Variants in UVRAG observed in about 807,000 individuals in gnomAD.
UVRAG encodes the protein UV radiation resistance-associated gene protein.
A neutral mutation model predicts 78.0 loss-of-function variants in UVRAG; 19 were observed. The observed-to-expected ratio is 0.24, with a 90% CI of 0.17 to 0.36. The LOEUF (loss-of-function observed/expected upper bound fraction) is 0.36. UVRAG is among the 10% of genes least tolerant of loss of function. The pLI, the probability that UVRAG is intolerant of heterozygous loss-of-function variation, is 1.00. For missense variants in UVRAG, 740 were observed against 853.8 expected, an observed-to-expected ratio of 0.87 and a Z score of 1.66; for synonymous variants, 323 against 324.6, an observed-to-expected ratio of 1.00 and a Z score of 0.05.
At chr11:76,127,089 A>G (rs1702366458) in intron 14 of UVRAG, among the ~76,000 whole-genome samples, 1 of 152,188 alleles carries the variant, frequency 6.6e-6, no homozygotes, top group Non-Finnish European at 1.5e-5. Flanking sequence ...TGTTCTGGTT[A>G]TTGGTTAACT....
At chr11:76,024,698 C>G (rs1378794902) in intron 12 of UVRAG, among the ~76,000 whole-genome samples, 1 of 152,042 alleles carries the variant, frequency 6.6e-6, no homozygotes, top group African/African-American at 2.4e-5. Context: ...TACTTCAAAT[C>G]CTTTTTGGAA....
At chr11:75,923,006 A>C (rs1591022387) in intron 6 of UVRAG, among the ~76,000 whole-genome samples, 1 of 135,798 alleles carries the variant, frequency 7.4e-6, no homozygotes, top group African/African-American at 3.3e-5. Flanking sequence ...ATTTTTTCAT[A>C]TATATATATA....
At chr11:76,057,744 G>C (rs1400528619) in intron 12 of UVRAG, among the ~76,000 whole-genome samples, 1 of 151,766 alleles carries the variant, frequency 6.6e-6, no homozygotes, top group African/African-American at 2.4e-5. Context: ...TTTAGTCTTG[G>C]CAGGGTAAAA....
chr11:76,041,588 T>C (rs114311051), intron 12 of UVRAG, among the ~76,000 whole-genome samples: 2,273 of 152,264 alleles, frequency 0.015, 59 homozygotes, highest in African/African-American at 0.052. Context: ...ACCATGCCAG[T>C]GTAGTGGCTG....
intron 13 of UVRAG, among the ~76,000 whole-genome samples, chr11:76,090,883 G>A (rs532336892): frequency 1.1e-4 from 16 of 152,146 alleles, no homozygotes; most frequent in African/African-American, 3.9e-4. Context: ...CTGATCTGCT[G>A]CAGTCTGTCA....
intron 5 of UVRAG, among the ~76,000 whole-genome samples, chr11:75,894,075 A>G (rs757885227): frequency 6.6e-6 from 1 of 152,242 alleles, no homozygotes; most frequent in Non-Finnish European, 1.5e-5. Flanking sequence ...GGGGTATACA[A>G]ATGGTTAAAA....
At chr11:76,102,173 A>G (rs1487809616) in intron 13 of UVRAG, among the ~76,000 whole-genome samples, 2 of 152,178 alleles carry the variant, frequency 1.3e-5, no homozygotes, top group African/African-American at 4.8e-5. Context: ...GCTTTAGGCA[A>G]TGTGGCCTTT....
At position 76,045,204 on chromosome 11, in the gene UVRAG, TG is replaced by T. The variant is rs112106342; in HGVS notation, c.1227-20505del. Among the ~76,000 whole-genome samples, 248 of 152,236 alleles carry T rather than the reference TG, an allele frequency of 1.6e-3. 1 individual carries two copies. The highest frequency in any genetic ancestry group is 5.7e-3 in the African/African-American group (237 of 41,532). ...CATAACTGAGGGCAGAGGTGCCAGC[TG>T]AAAAAAGGAATTGATTGTACATATA... On this transcript the variant is annotated intron_variant, in intron 12 of 14. Coordinates refer to ENST00000356136, the MANE Select transcript of UVRAG (RefSeq NM_003369.4).
At chr11:76,012,327 A>T (rs1040101017) in intron 11 of UVRAG, among the ~76,000 whole-genome samples, 3 of 152,100 alleles carry the variant, frequency 2.0e-5, no homozygotes, top group African/African-American at 7.2e-5. Flanking sequence ...AAGGAAAAAA[A>T]AAAAGAAAAA....
chr11:76,140,830 G>A lies in UVRAG; in HGVS notation c.1517G>A (p.Arg506Gln), dbSNP rs147445026. 2.5e-5 allele frequency: 41 copies of A among 1,614,110 alleles called. No homozygotes were observed. The highest frequency in any genetic ancestry group is 1.6e-4 in the East Asian group (7 of 44,878). ...TCACCAGACAAAGGACATCGAAAAC[G>A]GGCCAGCTCTGAGAATGAGAGACTT... ...IPSPDKGHRKRASSENERLQY... is the reference protein window; with the variant it reads ...IPSPDKGHRKQASSENERLQY... The change falls in exon 15 of 15, where the codon CGG becomes CAG. Residue 506 changes from arginine (R) to glutamine (Q), a missense_variant. Coordinates refer to ENST00000356136, the MANE Select transcript of UVRAG (RefSeq NM_003369.4).
intron 14 of UVRAG, among the ~76,000 whole-genome samples, chr11:76,133,988 C>CT (rs1354674302): frequency 6.4e-5 from 9 of 140,452 alleles, no homozygotes; most frequent in African/African-American, 2.4e-4. Flanking sequence ...GAGTCTCACT[C>CT]TGTTGCCCAG....
intron 12 of UVRAG, among the ~76,000 whole-genome samples, chr11:76,051,655 G>A (rs563411441): frequency 1.3e-5 from 2 of 152,136 alleles, no homozygotes; most frequent in Admixed American, 1.3e-4. Context: ...GTATAGCTCT[G>A]TCTAAAATAT....
chr11:76,001,597 T>C (rs1949816056), intron 8 of UVRAG, among the ~76,000 whole-genome samples: 1 of 152,070 alleles, frequency 6.6e-6, no homozygotes, highest in Non-Finnish European at 1.5e-5. Flanking sequence ...ATTACCAATA[T>C]CAGGAATGAG....
At chr11:76,125,165 T>C (rs1317295312) in intron 14 of UVRAG, among the ~76,000 whole-genome samples, 1 of 152,230 alleles carries the variant, frequency 6.6e-6, no homozygotes, top group African/African-American at 2.4e-5. Flanking sequence ...TCAAATAACA[T>C]TGTCTTTGAA....
At chr11:75,821,727 T>C (rs1399206244) in intron 1 of UVRAG, among the ~76,000 whole-genome samples, 1 of 152,140 alleles carries the variant, frequency 6.6e-6, no homozygotes, top group African/African-American at 2.4e-5. Context: ...TTGCCTCCTC[T>C]TAGCTGTGGC....
At chr11:76,108,635 G>A (rs1439921604) in intron 13 of UVRAG, among the ~76,000 whole-genome samples, 1 of 152,198 alleles carries the variant, frequency 6.6e-6, no homozygotes, top group East Asian at 1.9e-4. Context: ...GGGGGTATAG[G>A]AGAGGAAAAC....
chr11:76,093,231 A>G (rs1026448243), intron 13 of UVRAG, among the ~76,000 whole-genome samples: 8 of 151,778 alleles, frequency 5.3e-5, no homozygotes, highest in Non-Finnish European at 1.2e-4. Context: ...CTGTTTTGGT[A>G]CCAGTACCAT....
chr11:75,954,105 AC>A (rs1948751939), intron 6 of UVRAG, among the ~76,000 whole-genome samples: 2 of 152,156 alleles, frequency 1.3e-5, no homozygotes, highest in South Asian at 2.1e-4. Flanking sequence ...AATACTTCAA[AC>A]TTTTATTCTC....
At chr11:75,908,067 A>G (rs1255711453) in intron 5 of UVRAG, among the ~76,000 whole-genome samples, 1 of 152,130 alleles carries the variant, frequency 6.6e-6, no homozygotes, top group African/African-American at 2.4e-5. Flanking sequence ...TTATTAAACA[A>G]TAATTCCTCA....
Sources: allele counts gnomAD v4.1 joint callset (sites outside exome capture counted in the v4.1 genomes callset), GRCh38; gene constraint gnomAD v4.1.1; transcripts MANE v1.5; gene names NCBI Gene and HGNC (gene_info 2026-07-23, HGNC 2026-07-21).